Variants in RIMBP2 observed in about 807,000 individuals in gnomAD.
The protein encoded by RIMBP2 is RIMS-binding protein 2.
In RIMBP2, 48 loss-of-function variants were observed where a neutral mutation model predicts 118.6. The ratio of observed to expected loss-of-function variants is 0.40; its 90% CI spans 0.32 to 0.51. The LOEUF (loss-of-function observed/expected upper bound fraction) is 0.51. RIMBP2 is among the 20% of genes least tolerant of loss of function. The pLI, the probability that RIMBP2 is intolerant of heterozygous loss-of-function variation, is 0.41. For missense variants in RIMBP2, 1,551 were observed against 1,768.3 expected, an observed-to-expected ratio of 0.88 and a Z score of 2.20; for synonymous variants, 762 against 742.9, an observed-to-expected ratio of 1.03 and a Z score of -0.42.
rs1269263005 is a variant in RIMBP2 at position 130,447,070 on chromosome 12, T to G, written c.582-1801A>C. 5.4e-5 allele frequency among the ~76,000 whole-genome samples: 8 copies of G among 148,024 alleles called. No individual in the cohort carries two copies. The highest frequency in any genetic ancestry group is 1.3e-4 in the African/African-American group (5 of 38,326). The stretch of plus-strand genomic sequence containing the variant: ...AGACACAGAAGCTGGCAGAGTGTTC[T>G]CGGAGGAGGAGGAGGAGGAGGAGGG... On this transcript the variant is annotated intron_variant, in intron 9 of 22. Transcript: ENST00000690449. The surrounding 1 kb of genome is among the most constrained non-coding windows in gnomAD (Gnocchi z 4.4).
At chr12:130,697,429 G>A (rs747299682) in intron 1 of RIMBP2, among the ~76,000 whole-genome samples, 5 of 151,734 alleles carry the variant, frequency 3.3e-5, no homozygotes, top group African/African-American at 9.7e-5. Flanking sequence ...AGGCTGAGGC[G>A]AGAGGATTGC....
chr12:130,562,419 C>T (rs2056889666), intron 2 of RIMBP2, among the ~76,000 whole-genome samples: 1 of 152,212 alleles, frequency 6.6e-6, no homozygotes, highest in African/African-American at 2.4e-5. Context: ...CCCTACCTGG[C>T]AAGTGCCTGG....
intron 12 of RIMBP2, 64 bp downstream of exon 12, chr12:130,438,301 C>A: frequency 6.3e-7 from 1 of 1,577,274 alleles, no homozygotes. Flanking sequence ...TGAGCAAATA[C>A]CGGGCCGGTC....
At chr12:130,533,720 G>A (rs1213069305) in intron 2 of RIMBP2, among the ~76,000 whole-genome samples, 3 of 152,112 alleles carry the variant, frequency 2.0e-5, no homozygotes, top group African/African-American at 7.2e-5. Flanking sequence ...ATGAAATACT[G>A]TCCAGCCATA....
chr12:130,500,822 C>T (rs531752341), intron 4 of RIMBP2, among the ~76,000 whole-genome samples: 52 of 152,114 alleles, frequency 3.4e-4, no homozygotes, highest in Non-Finnish European at 4.6e-4. Flanking sequence ...ACGGTGGCCA[C>T]AGGATTTGGG....
chr12:130,508,810 AT>A (rs2050616575), intron 3 of RIMBP2, among the ~76,000 whole-genome samples: 1 of 152,106 alleles, frequency 6.6e-6, no homozygotes, highest in Non-Finnish European at 1.5e-5. Flanking sequence ...GTCGAGCAAG[AT>A]TTTTGTACTG....
intron 2 of RIMBP2, among the ~76,000 whole-genome samples, chr12:130,585,757 C>T (rs1057089664): frequency 1.3e-5 from 2 of 152,216 alleles, no homozygotes; most frequent in Admixed American, 1.3e-4. Context: ...CAGGCTGCCC[C>T]TGCAGGGAAG....
chr12:130,589,050 C>T (rs529485339), intron 2 of RIMBP2, among the ~76,000 whole-genome samples: 1 of 152,340 alleles, frequency 6.6e-6, no homozygotes, highest in East Asian at 1.9e-4. Context: ...TAAGAGAAGT[C>T]GGAGACTGTG....
intron 11 of RIMBP2, among the ~76,000 whole-genome samples, chr12:130,441,387 C>T (rs1045538402): frequency 2.9e-5 from 4 of 139,374 alleles, no homozygotes; most frequent in South Asian, 2.4e-4. Context: ...GGTGACAGAG[C>T]GAGACTCCAT....
chr12:130,460,953 A>G (rs1216222262), intron 6 of RIMBP2, among the ~76,000 whole-genome samples: 1 of 152,070 alleles, frequency 6.6e-6, no homozygotes, highest in African/African-American at 2.4e-5. Context: ...TCCCTTCTTG[A>G]AGCCTGAGAA....
intron 2 of RIMBP2, among the ~76,000 whole-genome samples, chr12:130,546,394 C>G (rs2055170831): frequency 6.6e-6 from 1 of 152,184 alleles, no homozygotes; most frequent in Non-Finnish European, 1.5e-5. Flanking sequence ...CTCCCAGGAT[C>G]AAGTGATTCT....
chr12:130,693,781 G>T (rs950410233), intron 1 of RIMBP2, among the ~76,000 whole-genome samples: 1 of 152,222 alleles, frequency 6.6e-6, no homozygotes, highest in Non-Finnish European at 1.5e-5. Flanking sequence ...TCGTTCCCAA[G>T]AAGGCCCTTT....
At chr12:130,702,239 G>A (rs1002868728) in intron 1 of RIMBP2, among the ~76,000 whole-genome samples, 6 of 152,004 alleles carry the variant, frequency 3.9e-5, no homozygotes, top group Non-Finnish European at 5.9e-5. Flanking sequence ...ATGTGGGACC[G>A]GGCACAGTGG....
At chr12:130,409,005 A>T (rs1030455082) in intron 19 of RIMBP2, among the ~76,000 whole-genome samples, 1 of 151,998 alleles carries the variant, frequency 6.6e-6, no homozygotes, top group African/African-American at 2.4e-5. Flanking sequence ...GGACCTGCAC[A>T]TGTGTGTCTC....
intron 16 of RIMBP2, among the ~76,000 whole-genome samples, chr12:130,423,326 C>T (rs531589090): frequency 5.9e-5 from 9 of 152,264 alleles, no homozygotes; most frequent in Middle Eastern, 3.4e-3. Flanking sequence ...TGCGGGCTGC[C>T]GTGGGCGGCT....
chr12:130,708,857 C>T (rs1278117709), intron 1 of RIMBP2, among the ~76,000 whole-genome samples: 1 of 152,218 alleles, frequency 6.6e-6, no homozygotes, highest in Non-Finnish European at 1.5e-5. Flanking sequence ...TCTCTGGGAT[C>T]TCACAGGTCC....
At chr12:130,618,779 G>A (rs2061118503) in intron 2 of RIMBP2, among the ~76,000 whole-genome samples, 1 of 152,172 alleles carries the variant, frequency 6.6e-6, no homozygotes, top group Admixed American at 6.5e-5. Context: ...ATAAAGCAAT[G>A]TAAATGGGAG....
At chr12:130,664,830 A>G (rs1290303612) in intron 1 of RIMBP2, among the ~76,000 whole-genome samples, 1 of 151,834 alleles carries the variant, frequency 6.6e-6, no homozygotes, top group Non-Finnish European at 1.5e-5. Flanking sequence ...AGAATCCATC[A>G]GTCCATACTG....
At chr12:130,606,303 T>C (rs2060183293) in intron 2 of RIMBP2, among the ~76,000 whole-genome samples, 1 of 152,204 alleles carries the variant, frequency 6.6e-6, no homozygotes, top group East Asian at 1.9e-4. Context: ...AGTCAGAACA[T>C]TGCATTCCTG....
Sources: gnomAD v4.1 joint callset for allele counts (sites outside exome capture counted in the v4.1 genomes callset) on GRCh38, gnomAD v4.1.1 for gene constraint, Gnocchi (gnomAD v3.1) non-coding constraint, MANE v1.5 for transcripts, NCBI Gene and HGNC (gene_info 2026-07-23, HGNC 2026-07-21) for gene names.